Variants in EYS observed in about 807,000 individuals in gnomAD.
EYS encodes the protein protein eyes shut homolog.
EYS carries 250 observed loss-of-function variants against 282.1 expected under a neutral mutation model. That is an observed-to-expected ratio of 0.89 (90% CI 0.80 to 0.98). The LOEUF (loss-of-function observed/expected upper bound fraction) is 0.98. Ranked by LOEUF, EYS falls within the 50% of genes least tolerant of loss-of-function variation. The probability of loss-of-function intolerance (pLI) is 0.00; values close to 1 mark genes in which losing one functional copy is unlikely to be tolerated. For missense variants in EYS, 4,016 were observed against 3,709.0 expected, an observed-to-expected ratio of 1.08 and a Z score of -2.15; for synonymous variants, 1,355 against 1,282.9, an observed-to-expected ratio of 1.06 and a Z score of -1.20.
At chr6:65,286,080 TTA>T (rs1393480169) in intron 12 of EYS, among the ~76,000 whole-genome samples, 1 of 151,904 alleles carries the variant, frequency 6.6e-6, no homozygotes, top group African/African-American at 2.4e-5. Context: ...AACACAGAAA[TTA>T]TGTTAGAATT....
chr6:64,456,147 G>A (rs574864265), intron 26 of EYS, among the ~76,000 whole-genome samples: 1 of 152,128 alleles, frequency 6.6e-6, no homozygotes, highest in South Asian at 2.1e-4. Flanking sequence ...ACAAATTTGT[G>A]TAAGAGTTTT....
chr6:64,552,951 A>G (rs1765131257), intron 26 of EYS, among the ~76,000 whole-genome samples: 1 of 139,692 alleles, frequency 7.2e-6, no homozygotes, highest in African/African-American at 2.6e-5. Flanking sequence ...AAAGAAAAAG[A>G]AAATCTTTGA....
At chr6:65,512,580 A>T (rs1766938385) in intron 2 of EYS, among the ~76,000 whole-genome samples, 1 of 152,102 alleles carries the variant, frequency 6.6e-6, no homozygotes, top group Admixed American at 6.6e-5. Context: ...AGAAATTATA[A>T]CAAACTGTCT....
At chr6:65,129,409 C>T (rs1775804569) in intron 12 of EYS, among the ~76,000 whole-genome samples, 2 of 151,754 alleles carry the variant, frequency 1.3e-5, no homozygotes, top group South Asian at 4.1e-4. Context: ...AAAATATTTG[C>T]AAACTATGCA....
intron 2 of EYS, among the ~76,000 whole-genome samples, chr6:65,585,369 T>C (rs965582198): frequency 2.6e-5 from 4 of 151,946 alleles, no homozygotes; most frequent in African/African-American, 7.2e-5. Flanking sequence ...CTCATTTTCA[T>C]GGGTGACTGA....
intron 29 of EYS, among the ~76,000 whole-genome samples, chr6:64,376,655 C>T (rs916338711): frequency 3.9e-5 from 6 of 152,190 alleles, no homozygotes. Flanking sequence ...ACCTATCAGA[C>T]ATCGCCTCTG....
chr6:64,461,335 TA>T (rs1775737476), intron 26 of EYS, among the ~76,000 whole-genome samples: 1 of 152,182 alleles, frequency 6.6e-6, no homozygotes, highest in Admixed American at 6.5e-5. Context: ...CTTCCTGGAT[TA>T]TATTGTGGAG....
intron 28 of EYS, among the ~76,000 whole-genome samples, chr6:64,392,109 C>T (rs1203279354): frequency 6.6e-6 from 1 of 151,944 alleles, no homozygotes; most frequent in East Asian, 1.9e-4. Flanking sequence ...AATACAGGAG[C>T]ACCAAGATCC....
intron 35 of EYS, among the ~76,000 whole-genome samples, chr6:63,896,910 A>G (rs573791120): frequency 6.6e-6 from 1 of 152,218 alleles, no homozygotes; most frequent in African/African-American, 2.4e-5. Context: ...CCATTCTATT[A>G]TCTGGATGTA....
chr6:65,563,639 A>G (rs1769150620), intron 2 of EYS, among the ~76,000 whole-genome samples: 1 of 152,120 alleles, frequency 6.6e-6, no homozygotes, highest in Non-Finnish European at 1.5e-5. Context: ...TACACAGAGA[A>G]TATAAAAATT....
chr6:64,509,606 A>C (rs1413445978), intron 26 of EYS, among the ~76,000 whole-genome samples: 1 of 152,182 alleles, frequency 6.6e-6, no homozygotes, highest in South Asian at 2.1e-4. Context: ...TACGGGGTAC[A>C]CATTAATGGA....
intron 7 of EYS, among the ~76,000 whole-genome samples, chr6:65,394,526 A>G (rs1766192350): frequency 6.6e-6 from 1 of 152,128 alleles, no homozygotes; most frequent in African/African-American, 2.4e-5. Context: ...CTGTAGCTGT[A>G]GCACTGCCTT....
At chr6:64,005,144 A>G (rs569723916) in intron 33 of EYS, among the ~76,000 whole-genome samples, 1 of 152,250 alleles carries the variant, frequency 6.6e-6, no homozygotes, top group East Asian at 1.9e-4. Flanking sequence ...TTGACTTTTT[A>G]ATAATAGCCA....
chr6:64,767,109 T>C (rs1357120831), intron 22 of EYS, among the ~76,000 whole-genome samples: 1 of 147,310 alleles, frequency 6.8e-6, no homozygotes, highest in Non-Finnish European at 1.5e-5. Context: ...TTGTATTTTT[T>C]CCTTTTTACA....
intron 1 of EYS, among the ~76,000 whole-genome samples, chr6:65,646,179 A>T (rs1250934386): frequency 6.6e-6 from 1 of 152,070 alleles, no homozygotes; most frequent in Non-Finnish European, 1.5e-5. Flanking sequence ...ATCATTCTAT[A>T]AAGCCAGTAT....
chr6:64,022,615 C>T (rs1245647985), intron 33 of EYS, among the ~76,000 whole-genome samples: 1 of 152,104 alleles, frequency 6.6e-6, no homozygotes, highest in Non-Finnish European at 1.5e-5. Flanking sequence ...AAAAAAGCAC[C>T]CAGGGCACAT....
At chr6:65,669,945 T>C (rs545771603) in intron 1 of EYS, among the ~76,000 whole-genome samples, 10 of 152,146 alleles carry the variant, frequency 6.6e-5, no homozygotes, top group African/African-American at 2.4e-4. Context: ...TAATGGTACA[T>C]AGCATATAGT....
chr6:63,975,374 G>T (rs1281943570), intron 35 of EYS, among the ~76,000 whole-genome samples: 1 of 151,948 alleles, frequency 6.6e-6, no homozygotes, highest in Non-Finnish European at 1.5e-5. Flanking sequence ...TTGATGGTAT[G>T]AAGGACACAT....
chr6:63,761,983 G>A (rs1769654411), intron 41 of EYS, among the ~76,000 whole-genome samples: 1 of 152,012 alleles, frequency 6.6e-6, no homozygotes, highest in Admixed American at 6.6e-5. Flanking sequence ...ACCATAAGTT[G>A]CCCCAGTAGT....
Sources: allele counts gnomAD v4.1 joint callset (sites outside exome capture counted in the v4.1 genomes callset), GRCh38; gene constraint gnomAD v4.1.1; transcripts MANE v1.5; gene names NCBI Gene and HGNC (gene_info 2026-07-23, HGNC 2026-07-21).